Variants in SEC14L1 observed in about 807,000 individuals in gnomAD.
The protein encoded by SEC14L1 is SEC14 like lipid binding 1, also known as SEC14-like protein 1.
Under a neutral mutation model 85.3 loss-of-function variants are expected in SEC14L1, and 48 were observed. The ratio of observed to expected loss-of-function variants is 0.56; its 90% CI spans 0.45 to 0.72. The LOEUF is 0.72. Ranked by LOEUF, SEC14L1 falls within the 30% of genes least tolerant of loss-of-function variation. SEC14L1 has a pLI of 0.00. For missense variants in SEC14L1, 682 were observed against 921.4 expected (o/e 0.74, Z 3.36); for synonymous variants, 391 against 355.5 (o/e 1.10, Z -1.12).
intron 3 of SEC14L1, among the ~76,000 whole-genome samples, chr17:77,131,018 C>T (rs1013568460): frequency 6.6e-6 from 1 of 152,140 alleles, no homozygotes; most frequent in Non-Finnish European, 1.5e-5. Flanking sequence ...AAATTAGTGA[C>T]GATGGTACCC....
chr17:77,092,774 C>A (rs1420512407), intron 2 of SEC14L1, among the ~76,000 whole-genome samples: 1 of 151,758 alleles, frequency 6.6e-6, no homozygotes, highest in East Asian at 1.9e-4. Context: ...CATGGAGAAA[C>A]CCCGTCTTTA....
chr17:77,175,727 A>T (rs184890340), intron 3 of SEC14L1, among the ~76,000 whole-genome samples: 1 of 152,336 alleles, frequency 6.6e-6, no homozygotes, highest in African/African-American at 2.4e-5. Context: ...GTGCTGGGAA[A>T]GTCTCCAGAG....
At chr17:77,172,563 T>C (rs1362497775) in intron 3 of SEC14L1, among the ~76,000 whole-genome samples, 5 of 152,350 alleles carry the variant, frequency 3.3e-5, no homozygotes, top group South Asian at 4.1e-4. Context: ...TTCGTACATA[T>C]ACCTTTTGAG....
chr17:77,143,241 CAT>C (rs1973138531), intron 2 of SEC14L1, among the ~76,000 whole-genome samples: 1 of 152,138 alleles, frequency 6.6e-6, no homozygotes, highest in Non-Finnish European at 1.5e-5. Context: ...ATAATAGAAT[CAT>C]AACAGTTCAT....
At chr17:77,150,201 C>T (rs1290011261) in intron 3 of SEC14L1, among the ~76,000 whole-genome samples, 6 of 152,060 alleles carry the variant, frequency 3.9e-5, no homozygotes, top group Non-Finnish European at 4.4e-5. Flanking sequence ...CCATTAAGAC[C>T]GGAGGAAGGA....
Position 77,206,078 on chromosome 17 carries a change from G to T in SEC14L1, c.1170-151G>T, listed in dbSNP as rs1028726339. 1.7e-5 allele frequency: 12 copies of T among 708,506 alleles called. No homozygotes were observed. Among genetic ancestry groups the T allele is most frequent in the Non-Finnish European group, 2.7e-5 (12 of 439,596 alleles). 43.9% of individuals were successfully genotyped at this position (708,506 alleles called of 1,614,324 possible). On this transcript the variant is annotated intron_variant, in intron 11 of 16. Transcript: ENST00000436233. This position sits in a 1 kb window ranked among gnomAD's most constrained non-coding sequence, Gnocchi z 4.3. Reference sequence around the variant, plus strand: ...TTTTGTACAAGTAGATATAAACAGGGTTCATAGCACTATACATAGCACTAT... The same window carrying T: ...TTTTGTACAAGTAGATATAAACAGGTTTCATAGCACTATACATAGCACTAT...
intron 3 of SEC14L1, among the ~76,000 whole-genome samples, chr17:77,152,362 C>T (rs1973599111): frequency 6.6e-6 from 1 of 151,970 alleles, no homozygotes; most frequent in South Asian, 2.1e-4. Context: ...ATGGTGAAAC[C>T]TTGTTTCTAC....
At chr17:77,132,134 T>C (rs543981203) in intron 3 of SEC14L1, among the ~76,000 whole-genome samples, 1 of 152,068 alleles carries the variant, frequency 6.6e-6, no homozygotes, top group South Asian at 2.1e-4. Flanking sequence ...ATGTCAGGAG[T>C]ATCAGTCATG....
rs548558142 is a variant in SEC14L1, at chr17:77,175,366, G to T, written c.64-15437G>T. ...GACTTTTATACACACTTCACAGAAG[G>T]GGGTGGGCTAGCTAAAGCAAGCTTA... is the stretch of plus-strand genomic sequence containing the variant. On this transcript the variant is annotated intron_variant, in intron 3 of 16. Transcript: ENST00000436233. Among the ~76,000 whole-genome samples the T allele has an allele frequency of 2.6e-5, 4 of 152,344 alleles. No individual in the cohort carries two copies. In the South Asian group the frequency reaches 6.2e-4, roughly 24 times the overall value.
At chr17:77,105,368 T>TG (rs1971885122) in intron 3 of SEC14L1, among the ~76,000 whole-genome samples, 1 of 49,642 alleles carries the variant, frequency 2.0e-5, no homozygotes, top group Non-Finnish European at 4.7e-5. Context: ...TGCTCCTCGC[T>TG]GACCACCCCC....
intron 3 of SEC14L1, among the ~76,000 whole-genome samples, chr17:77,167,945 G>T (rs1447809114): frequency 6.6e-6 from 1 of 152,198 alleles, no homozygotes; most frequent in African/African-American, 2.4e-5. Flanking sequence ...AGAGTACACC[G>T]AGCAAAGGAG....
intron 3 of SEC14L1, among the ~76,000 whole-genome samples, chr17:77,100,694 C>T (rs181415228): frequency 4.1e-4 from 63 of 152,198 alleles, no homozygotes; most frequent in African/African-American, 1.5e-3. Context: ...ACCTCGGCCT[C>T]CCAAAGTGCT....
chr17:77,165,898 A>G (rs531251128), intron 3 of SEC14L1, among the ~76,000 whole-genome samples: 1 of 152,138 alleles, frequency 6.6e-6, no homozygotes, highest in Non-Finnish European at 1.5e-5. Flanking sequence ...TGCATTTCCA[A>G]AGTTTAGTAG....
Position 77,185,478 on chromosome 17 carries a change from C to T in SEC14L1, c.64-5325C>T, listed in dbSNP as rs1018185762. The stretch of plus-strand genomic sequence containing the variant: ...AGTGTGGTTGAAATTCAAGGTGAGG[C>T]TGCGTGGGTGACACCTTATGCTGAC... On this transcript the variant is annotated intron_variant, in intron 3 of 16. Transcript: ENST00000436233. The T allele has an allele frequency of 7.0e-6, 5 of 709,964 alleles. No homozygotes were observed. The African/African-American group carries it at 7.7e-5, about 11-fold the overall frequency. The allele number at this position is 709,964 out of a possible 1,614,324, so 44.0% of individuals were successfully genotyped here. A position where few individuals can be genotyped will look rare whatever the true frequency, so the allele number is the denominator to read the frequency against.
intron 3 of SEC14L1, among the ~76,000 whole-genome samples, chr17:77,128,956 C>T (rs945069285): frequency 2.0e-5 from 3 of 152,034 alleles, no homozygotes; most frequent in Admixed American, 6.6e-5. Flanking sequence ...TGCCAAGAGC[C>T]GTACAAATGA....
intron 3 of SEC14L1, among the ~76,000 whole-genome samples, chr17:77,162,830 CAA>C (rs55856950): frequency 6.7e-5 from 10 of 148,188 alleles, no homozygotes; most frequent in Non-Finnish European, 7.4e-5. Context: ...AACTCTGTCT[CAA>C]AAAAAAAAAA....
At chr17:77,152,872 A>G (rs924022598) in intron 3 of SEC14L1, among the ~76,000 whole-genome samples, 1 of 152,250 alleles carries the variant, frequency 6.6e-6, no homozygotes, top group South Asian at 2.1e-4. Flanking sequence ...GGTCTCCTTT[A>G]TTCTCTAACA....
intron 3 of SEC14L1, among the ~76,000 whole-genome samples, chr17:77,182,944 G>A (rs1213612515): frequency 6.6e-6 from 1 of 152,244 alleles, no homozygotes; most frequent in Non-Finnish European, 1.5e-5. Context: ...AGGAGCTGGA[G>A]CCAGTGCTGA....
intron 11 of SEC14L1, among the ~76,000 whole-genome samples, chr17:77,205,555 T>C (rs1243862735): frequency 6.6e-6 from 1 of 152,188 alleles, no homozygotes; most frequent in Non-Finnish European, 1.5e-5. Context: ...CCAGAGTGGG[T>C]TGGCCTGTCT....
Sources: gnomAD v4.1 joint callset for allele counts (sites outside exome capture counted in the v4.1 genomes callset) on GRCh38, gnomAD v4.1.1 for gene constraint, Gnocchi (gnomAD v3.1) non-coding constraint, MANE v1.5 for transcripts, NCBI Gene and HGNC (gene_info 2026-07-23, HGNC 2026-07-21) for gene names.